Variants in MSI2 observed in about 807,000 individuals in gnomAD.
MSI2 encodes the protein musashi RNA binding protein 2, also known as RNA-binding protein Musashi homolog 2.
Under a neutral mutation model 45.6 loss-of-function variants are expected in MSI2, and 17 were observed. That is an observed-to-expected ratio of 0.37 (90% CI 0.26 to 0.56). The LOEUF is 0.56. Among genes scored for constraint, MSI2 ranks in the 20% least tolerant of loss-of-function variants. The probability of loss-of-function intolerance (pLI) is 0.77; values close to 1 mark genes in which losing one functional copy is unlikely to be tolerated. For synonymous variants in MSI2, 156 were observed against 158.2 expected (o/e 0.99, Z 0.11); for missense variants, 293 against 444.2 (o/e 0.66, Z 3.06).
intron 6 of MSI2, among the ~76,000 whole-genome samples, chr17:57,413,194 C>T (rs1007778737): frequency 5.9e-5 from 9 of 152,176 alleles, no homozygotes; most frequent in South Asian, 2.1e-4. Flanking sequence ...CTGTCTGTCT[C>T]GTTCTCTCAT....
intron 6 of MSI2, among the ~76,000 whole-genome samples, chr17:57,515,243 G>A (rs901572815): frequency 1.8e-4 from 28 of 152,126 alleles, no homozygotes; most frequent in Admixed American, 1.8e-3. Context: ...TCGCTCTGTT[G>A]CCCAGACTGG....
At chr17:57,349,628 T>C (rs1192160269) in intron 5 of MSI2, among the ~76,000 whole-genome samples, 1 of 152,252 alleles carries the variant, frequency 6.6e-6, no homozygotes, top group Non-Finnish European at 1.5e-5. Context: ...AAGTACCATG[T>C]CATGAATAAT....
intron 6 of MSI2, among the ~76,000 whole-genome samples, chr17:57,525,284 G>A (rs2086674502): frequency 6.7e-6 from 1 of 150,200 alleles, no homozygotes; most frequent in Non-Finnish European, 1.5e-5. Flanking sequence ...GGGGGGGCAG[G>A]TGGGGGAGGT....
intron 7 of MSI2, chr17:57,566,103 G>C (rs2087725180): frequency 6.6e-6 from 1 of 152,044 alleles, no homozygotes; most frequent in Non-Finnish European, 1.5e-5. Context: ...CGGCCTTTTG[G>C]GTTTTCTCCT....
chr17:57,671,708 G>A (rs1425702327), intron 11 of MSI2: 1 of 151,588 alleles, frequency 6.6e-6, no homozygotes, highest in Non-Finnish European at 1.5e-5. Context: ...GAGTTACGCT[G>A]AGTTTGCAAA....
chr17:57,273,642 C>A (rs1373787801), intron 5 of MSI2, among the ~76,000 whole-genome samples: 1 of 152,120 alleles, frequency 6.6e-6, no homozygotes, highest in Non-Finnish European at 1.5e-5. Flanking sequence ...TTTGGCAGGC[C>A]ATCGCCTTAG....
At chr17:57,269,092 G>A (rs986918900) in intron 5 of MSI2, among the ~76,000 whole-genome samples, 3 of 152,188 alleles carry the variant, frequency 2.0e-5, no homozygotes, top group African/African-American at 4.8e-5. Flanking sequence ...CTAGGAAGAG[G>A]TGGTCTTTGC....
At chr17:57,554,243 G>A (rs1209713624) in intron 7 of MSI2, among the ~76,000 whole-genome samples, 1 of 151,948 alleles carries the variant, frequency 6.6e-6, no homozygotes, top group East Asian at 1.9e-4. Flanking sequence ...GGGGGAGGGG[G>A]GGGATGGTTC....
At chr17:57,277,491 A>G (rs1432667363) in intron 5 of MSI2, among the ~76,000 whole-genome samples, 4 of 152,332 alleles carry the variant, frequency 2.6e-5, no homozygotes, top group East Asian at 1.9e-4. Flanking sequence ...TGTGCTGAAC[A>G]TGACCTCAGG....
chr17:57,575,424 C>T (rs971163526), intron 7 of MSI2, among the ~76,000 whole-genome samples: 4 of 152,146 alleles, frequency 2.6e-5, no homozygotes, highest in African/African-American at 9.7e-5. Flanking sequence ...ACCTTTCAGT[C>T]GCTGCATGGC....
intron 5 of MSI2, among the ~76,000 whole-genome samples, chr17:57,300,069 G>A (rs1381596231): frequency 6.6e-6 from 1 of 152,204 alleles, no homozygotes; most frequent in African/African-American, 2.4e-5. Context: ...CCCACGCACG[G>A]CTTTACTGCC....
chr17:57,503,704 G>A (rs775627103), intron 6 of MSI2, among the ~76,000 whole-genome samples: 1 of 152,218 alleles, frequency 6.6e-6, no homozygotes, highest in Non-Finnish European at 1.5e-5. Flanking sequence ...TGTGGTTCCT[G>A]TTCACAGGTG....
intron 5 of MSI2, among the ~76,000 whole-genome samples, chr17:57,346,370 T>C (rs1003957646): frequency 6.6e-6 from 1 of 151,958 alleles, no homozygotes; most frequent in African/African-American, 2.4e-5. Flanking sequence ...TCTGATTTTT[T>C]TCTTAATGAA....
intron 6 of MSI2, among the ~76,000 whole-genome samples, chr17:57,474,193 A>G (rs1179187927): frequency 1.3e-5 from 2 of 152,086 alleles, no homozygotes; most frequent in African/African-American, 4.8e-5. Flanking sequence ...TGGGGCCTCT[A>G]GATGTGCACT....
At chr17:57,368,006 C>CTTTATCTTACATTCATGCTCAGACATGAA (rs1917326305) in intron 5 of MSI2, among the ~76,000 whole-genome samples, 1 of 152,190 alleles carries the variant, frequency 6.6e-6, no homozygotes, top group Non-Finnish European at 1.5e-5. Context: ...GATAAAGACC[C>CTTTATCTTACATTCATGCTCAGACATGAA]TGTCCTCAAG....
In MSI2 at chr17:57,627,126, G is replaced by GA; in HGVS notation, c.653-99dup. On this transcript the variant is annotated intron_variant, in intron 9 of 13. Coordinates refer to ENST00000284073, the MANE Select transcript of MSI2 (RefSeq NM_138962.4). This position sits in a 1 kb window ranked among gnomAD's most constrained non-coding sequence, Gnocchi z 4.6. ...ATGAGAGACAAATTATTCTGTGAAGGAAAATAACTCAGGCTTTCCTCATTG... is the reference window on the plus strand; with the variant it reads ...ATGAGAGACAAATTATTCTGTGAAGGAAAAATAACTCAGGCTTTCCTCATTG... 1 of 1,053,932 alleles carries GA rather than the reference G, an allele frequency of 9.5e-7. No homozygotes were observed. Among genetic ancestry groups the GA allele is most frequent in the Non-Finnish European group, 1.5e-6 (1 of 675,452 alleles). 65.3% of individuals were successfully genotyped at this position (1,053,932 alleles called of 1,614,324 possible). A position where few individuals can be genotyped will look rare whatever the true frequency, so the allele number is the denominator to read the frequency against.
At chr17:57,328,856 A>G (rs1914036471) in intron 5 of MSI2, among the ~76,000 whole-genome samples, 1 of 152,036 alleles carries the variant, frequency 6.6e-6, no homozygotes, top group South Asian at 2.1e-4. Context: ...GGGACTTTGA[A>G]TACATTTTGG....
At position 57,672,873 on chromosome 17, in the gene MSI2, A is replaced by T. The variant is rs147044625; in HGVS notation, c.791-2099A>T. ...ATTTGCCTCCATGAGTGAGAGGGCC[A>T]AGTGTTATCTGCAAGTTGAATCTTC... On this transcript the variant is annotated intron_variant, in intron 11 of 13. Coordinates refer to ENST00000284073, the MANE Select transcript of MSI2 (RefSeq NM_138962.4). Among the ~76,000 whole-genome samples the T allele has an allele frequency of 5.8e-4, 88 of 152,338 alleles. 2 individuals carry two copies. The East Asian group carries it at 0.012, about 21-fold the overall frequency.
chr17:57,398,310 G>A lies in MSI2; in HGVS notation c.313-3069G>A, dbSNP rs1319535085. Among the ~76,000 whole-genome samples the A allele has an allele frequency of 2.0e-5, 3 of 152,184 alleles. 1 individual carries two copies. The highest frequency in any genetic ancestry group is 2.0e-4 in the Admixed American group (3 of 15,278). On this transcript the variant is annotated intron_variant, in intron 5 of 13. Transcript: ENST00000284073. ...ATGAGACCATGGGGTTCAGATTATA[G>A]TATGGCTCTCCAGAGTTTCTTCAAA...
Sources: allele counts gnomAD v4.1 joint callset (sites outside exome capture counted in the v4.1 genomes callset), GRCh38; gene constraint gnomAD v4.1.1; non-coding constraint Gnocchi (gnomAD v3.1); transcripts MANE v1.5; gene names NCBI Gene and HGNC (gene_info 2026-07-23, HGNC 2026-07-21).